Variants in TMEM9B observed in about 807,000 individuals in gnomAD.
TMEM9B encodes the protein transmembrane protein 9B.
TMEM9B carries 8 observed loss-of-function variants against 23.5 expected under a neutral mutation model. That is an observed-to-expected ratio of 0.34 (90% CI 0.20 to 0.61). The LOEUF (loss-of-function observed/expected upper bound fraction) is 0.61. Ranked by LOEUF, TMEM9B falls within the 20% of genes least tolerant of loss-of-function variation. TMEM9B has a pLI of 0.78. For synonymous variants in TMEM9B, 106 were observed against 96.3 expected, an observed-to-expected ratio of 1.10 and a Z score of -0.59; for missense variants, 197 against 252.3, an observed-to-expected ratio of 0.78 and a Z score of 1.49.
At position 8,959,900 on chromosome 11, in the gene TMEM9B, A is replaced by G. The variant is rs575869623; in HGVS notation, c.197+2192T>C. Among the ~76,000 whole-genome samples the G allele has an allele frequency of 3.3e-5, 5 of 152,334 alleles. No homozygotes were observed. In the East Asian group the frequency reaches 7.7e-4, roughly 23 times the overall value. ...AAACTGGACAAAATGAAAGGCCCAGAAAACAAAAGGTAAAACTATATCTAG... is the reference window on the plus strand; with the variant it reads ...AAACTGGACAAAATGAAAGGCCCAGGAAACAAAAGGTAAAACTATATCTAG... On this transcript the variant is annotated intron_variant, in intron 2 of 4. Coordinates refer to ENST00000534025, the MANE Select transcript of TMEM9B (RefSeq NM_020644.3).
Position 8,964,358 on chromosome 11 carries a change from G to T in TMEM9B, c.-45C>A, listed in dbSNP as rs1321878966. The T allele has an allele frequency of 1.3e-6, 2 of 1,536,646 alleles. No individual in the cohort carries two copies. Among genetic ancestry groups the T allele is most frequent in the East Asian group, 2.5e-5 (1 of 40,118 alleles). On this transcript the variant is annotated 5_prime_UTR_variant, in exon 1 of 5. Transcript: ENST00000534025. ...CCACAGCCCGGAGCCCCCGCGACCG[G>T]CTCCCGGCTCGGGCTCAGGCTCAGG...
At chr11:8,963,220 T>A (rs1854112613) in intron 1 of TMEM9B, among the ~76,000 whole-genome samples, 1 of 152,266 alleles carries the variant, frequency 6.6e-6, no homozygotes, top group African/African-American at 2.4e-5. Flanking sequence ...CTGTCCCTGT[T>A]TCTGGTAGGA....
In TMEM9B at chr11:8,947,694, G is replaced by A. The variant is rs1853794604; in HGVS notation, c.*626C>T. 1 of 152,678 alleles carries A rather than the reference G, an allele frequency of 6.5e-6. No individual in the cohort carries two copies. Among genetic ancestry groups the A allele is most frequent in the African/African-American group, 2.4e-5 (1 of 41,450 alleles). The allele number at this position is 152,678 out of a possible 1,614,324, so 9.5% of individuals were successfully genotyped here. A position where few individuals can be genotyped will look rare whatever the true frequency, so the allele number is the denominator to read the frequency against. On this transcript the variant is annotated 3_prime_UTR_variant, in exon 5 of 5. Transcript: ENST00000534025. Reference sequence around the variant, plus strand: ...AGTACATGAAGAAAATCTGCTTTTTGTGAAAAGCCACCAGGCATTTTAGAT... The same window carrying A: ...AGTACATGAAGAAAATCTGCTTTTTATGAAAAGCCACCAGGCATTTTAGAT...
chr11:8,952,287 A>G (rs1258738793), intron 4 of TMEM9B, among the ~76,000 whole-genome samples: 1 of 109,950 alleles, frequency 9.1e-6, no homozygotes, highest in Non-Finnish European at 1.9e-5. Context: ...CACGCTATAT[A>G]TATATATATA....
chr11:8,962,055 C>A, intron 2 of TMEM9B, 37 bp downstream of exon 2: 1 of 1,328,980 alleles, frequency 7.5e-7, no homozygotes, highest in Non-Finnish European at 1.0e-6. Context: ...ACCACAGAAA[C>A]AAATGTGACA....
At chr11:8,960,504 T>G (rs1854056493) in intron 2 of TMEM9B, among the ~76,000 whole-genome samples, 1 of 152,144 alleles carries the variant, frequency 6.6e-6, no homozygotes, top group African/African-American at 2.4e-5. Flanking sequence ...CATATGGTCC[T>G]GTCTGAGTCT....
upstream of TMEM9B, chr11:8,964,483 A>G (rs1854161363): frequency 7.8e-6 from 11 of 1,417,742 alleles, no homozygotes; most frequent in Non-Finnish European, 1.0e-5. Flanking sequence ...TCAGATGCAA[A>G]AAGCATCCGC....
intron 2 of TMEM9B, 35 bp from the exon 3 acceptor site, chr11:8,956,333 A>T: frequency 6.3e-7 from 1 of 1,587,998 alleles, no homozygotes; most frequent in Non-Finnish European, 8.6e-7. Context: ...GCTTAAGCCC[A>T]GCTAGCTCTT....
intron 4 of TMEM9B, 65 bp downstream of exon 4, chr11:8,953,138 T>G: frequency 1.2e-6 from 2 of 1,603,898 alleles, no homozygotes. Context: ...TATTTTTCAC[T>G]TGCACTTCAC....
In TMEM9B at chr11:8,957,212, T is replaced by C. The variant is rs1454170622; in HGVS notation, c.198-914A>G. Among the ~76,000 whole-genome samples the C allele has an allele frequency of 6.6e-6, 1 of 152,220 alleles. No individual in the cohort carries two copies. The highest frequency in any genetic ancestry group is 1.5e-5 in the Non-Finnish European group (1 of 68,034). ...AATATTTTAAAACAAAAACTGGTTATTCCAAAGAACTAAATAAAAACTAAC... is the reference window on the plus strand; with the variant it reads ...AATATTTTAAAACAAAAACTGGTTACTCCAAAGAACTAAATAAAAACTAAC... On this transcript the variant is annotated intron_variant, in intron 2 of 4. Coordinates refer to ENST00000534025, the MANE Select transcript of TMEM9B (RefSeq NM_020644.3). This position sits in a 1 kb window ranked among gnomAD's most constrained non-coding sequence, Gnocchi z 4.3.
At chr11:8,956,160 G>A (rs2568069) in intron 3 of TMEM9B, 30 bp downstream of exon 3, 973,103 of 1,587,628 alleles carry the variant, frequency 0.61, 301,225 homozygotes, top group East Asian at 0.81. Context: ...CAGACAGACA[G>A]ACAGGTAGAT....
rs1221119951 is a variant in TMEM9B at position 8,947,224 on chromosome 11, T to C, written c.*1096A>G. The C allele has an allele frequency of 6.6e-6, 1 of 152,640 alleles. No individual in the cohort carries two copies. Among genetic ancestry groups the C allele is most frequent in the Non-Finnish European group, 1.5e-5 (1 of 68,034 alleles). The allele number at this position is 152,640 out of a possible 1,614,324, so 9.5% of individuals were successfully genotyped here. A position where few individuals can be genotyped will look rare whatever the true frequency, so the allele number is the denominator to read the frequency against. On this transcript the variant is annotated 3_prime_UTR_variant, in exon 5 of 5. Coordinates refer to ENST00000534025, the MANE Select transcript of TMEM9B (RefSeq NM_020644.3). ...GAACAGGGTACAAAATGTCTTTATATCTTCAATCTCATTATACAGCAAAAG... is the reference window on the plus strand; with the variant it reads ...GAACAGGGTACAAAATGTCTTTATACCTTCAATCTCATTATACAGCAAAAG...
intron 1 of TMEM9B, among the ~76,000 whole-genome samples, chr11:8,963,538 T>A (rs1206167376): frequency 2.6e-5 from 4 of 152,198 alleles, no homozygotes; most frequent in Non-Finnish European, 5.9e-5. Flanking sequence ...ACCTCACCTC[T>A]CTTGCAGTTT....
chr11:8,953,359 G>A, intron 3 of TMEM9B, 22 bp from the exon 4 acceptor site: 1 of 1,610,230 alleles, frequency 6.2e-7, no homozygotes. Context: ...TGAAAATTAA[G>A]TTACATCTTT....
At chr11:8,952,916 C>A in intron 4 of TMEM9B, 1 of 562,520 alleles carries the variant, frequency 1.8e-6, no homozygotes, top group Non-Finnish European at 3.1e-6. Flanking sequence ...TGATACTTTT[C>A]TCAATGTAAA....
intron 4 of TMEM9B, among the ~76,000 whole-genome samples, chr11:8,952,023 T>G (rs2653595): frequency 1.3e-5 from 2 of 151,914 alleles, no homozygotes; most frequent in African/African-American, 2.4e-5. Context: ...GCAGGAGAAT[T>G]GCTTGAACTT....
At chr11:8,964,449 G>T (rs1315620561), upstream of TMEM9B, 8 of 1,425,272 alleles carry the variant, frequency 5.6e-6, no homozygotes, top group African/African-American at 1.5e-5. Flanking sequence ...GTCTGGACGC[G>T]AAGGCGTCAC....
At chr11:8,963,565 A>T (rs1403587316) in intron 1 of TMEM9B, among the ~76,000 whole-genome samples, 2 of 152,204 alleles carry the variant, frequency 1.3e-5, no homozygotes, top group African/African-American at 4.8e-5. Flanking sequence ...TCCCTTACCC[A>T]CTAAATTATC....
chr11:8,956,428 A>G lies in TMEM9B; in HGVS notation c.198-130T>C, dbSNP rs568426812. The G allele has an allele frequency of 3.1e-4, 201 of 641,896 alleles. No individual in the cohort carries two copies. The East Asian group carries it at 5.5e-3, about 18-fold the overall frequency. The allele number at this position is 641,896 out of a possible 1,614,324, so 39.8% of individuals were successfully genotyped here. On this transcript the variant is annotated intron_variant, in intron 2 of 4. Transcript: ENST00000534025. Reference sequence around the variant, plus strand: ...AAAGAGCATAAAAAACAAATAATCAATAAGATAAAGTAAAATAATTTCTGC... The same window carrying G: ...AAAGAGCATAAAAAACAAATAATCAGTAAGATAAAGTAAAATAATTTCTGC...
Sources: gnomAD v4.1 joint callset for allele counts (sites outside exome capture counted in the v4.1 genomes callset) on GRCh38, gnomAD v4.1.1 for gene constraint, Gnocchi (gnomAD v3.1) non-coding constraint, MANE v1.5 for transcripts, NCBI Gene and HGNC (gene_info 2026-07-23, HGNC 2026-07-21) for gene names.